Variants in CALN1 observed in about 807,000 individuals in gnomAD.
The protein encoded by CALN1 is calneuron 1.
CALN1 carries 17 observed loss-of-function variants against 30.6 expected under a neutral mutation model. That is an observed-to-expected ratio of 0.56 (90% CI 0.38 to 0.83). The LOEUF is 0.83. Ranked by LOEUF, CALN1 falls within the 40% of genes least tolerant of loss-of-function variation. The probability of loss-of-function intolerance (pLI) is 0.00; values close to 1 mark genes in which losing one functional copy is unlikely to be tolerated. For missense variants in CALN1, 291 were observed against 354.9 expected, an observed-to-expected ratio of 0.82 and a Z score of 1.45; for synonymous variants, 156 against 131.4, an observed-to-expected ratio of 1.19 and a Z score of -1.28.
At chr7:72,497,050 T>C in the CALN1 span, among the ~76,000 whole-genome samples, 8 of 152,164 alleles carry the variant, frequency 5.3e-5, no homozygotes, top group African/African-American at 1.4e-4. Flanking sequence ...CGTCTGTGCA[T>C]GGAGGAAAGA....
chr7:71,842,904 C>A (rs1454094903), intron 5 of CALN1, among the ~76,000 whole-genome samples: 1 of 152,134 alleles, frequency 6.6e-6, no homozygotes, highest in African/African-American at 2.4e-5. Flanking sequence ...TTTATCCTAA[C>A]AATACTCTAA....
At chr7:72,176,068 T>A (rs1029194398) in intron 3 of CALN1, among the ~76,000 whole-genome samples, 2 of 152,042 alleles carry the variant, frequency 1.3e-5, no homozygotes, top group African/African-American at 4.8e-5. Context: ...ACAGAAACAT[T>A]CTGAGTCTGT....
intron 5 of CALN1, among the ~76,000 whole-genome samples, chr7:71,823,458 G>A (rs1188703806): frequency 2.0e-5 from 3 of 152,234 alleles, no homozygotes; most frequent in Admixed American, 1.3e-4. Flanking sequence ...GGTGGCTCAC[G>A]CCTGTAATCC....
At chr7:71,918,324 C>A (rs1196575929) in intron 5 of CALN1, among the ~76,000 whole-genome samples, 1 of 152,194 alleles carries the variant, frequency 6.6e-6, no homozygotes, top group African/African-American at 2.4e-5. Context: ...AAATTGCTTC[C>A]TTTGAAACAA....
intron 5 of CALN1, among the ~76,000 whole-genome samples, chr7:71,949,854 C>T (rs965607132): frequency 7.9e-5 from 12 of 151,012 alleles, no homozygotes; most frequent in South Asian, 4.2e-4. Context: ...CTCCGCCTCC[C>T]GGGTTCACGC....
chr7:72,111,912 G>A, intron 3 of CALN1, among the ~76,000 whole-genome samples: 1 of 151,902 alleles, frequency 6.6e-6, no homozygotes, highest in Non-Finnish European at 1.5e-5. Flanking sequence ...CATCACGACG[G>A]CTAATTTTTT....
At chr7:72,466,536 G>A in the CALN1 span, among the ~76,000 whole-genome samples, 1 of 152,144 alleles carries the variant, frequency 6.6e-6, no homozygotes, top group South Asian at 2.1e-4. Context: ...CTATGGTCAG[G>A]AGTTTGAGAC....
chr7:71,840,284 C>T (rs1789858040), intron 5 of CALN1, among the ~76,000 whole-genome samples: 1 of 151,932 alleles, frequency 6.6e-6, no homozygotes, highest in Non-Finnish European at 1.5e-5. Context: ...GCTATGGCTG[C>T]ATCATAGCCT....
chr7:72,327,532 T>C (rs1364571408), intron 2 of CALN1, among the ~76,000 whole-genome samples: 1 of 152,212 alleles, frequency 6.6e-6, no homozygotes, highest in African/African-American at 2.4e-5. Context: ...CGTTTTTCTT[T>C]TCCTGTTTTC....
chr7:71,963,707 T>C (rs1292095427), intron 5 of CALN1, among the ~76,000 whole-genome samples: 2 of 152,074 alleles, frequency 1.3e-5, no homozygotes, highest in African/African-American at 4.8e-5. Context: ...ATGTTTTATA[T>C]GTAATACTGA....
At position 71,859,065 on chromosome 7, in the gene CALN1, T is replaced by A. The variant is rs541110486; in HGVS notation, c.502-48573A>T. ...TTGTCTTTTTTCTTTTTTTGTATGTTTGTTTGTTTGTTTTTGGAGACAGAG... is the reference window on the plus strand; with the variant it reads ...TTGTCTTTTTTCTTTTTTTGTATGTATGTTTGTTTGTTTTTGGAGACAGAG... On this transcript the variant is annotated intron_variant, in intron 5 of 6. Transcript: ENST00000395275. Among the ~76,000 whole-genome samples the A allele has an allele frequency of 7.2e-5, 11 of 152,230 alleles. No homozygotes were observed. In the South Asian group the frequency reaches 2.1e-3, roughly 29 times the overall value.
intron 2 of CALN1, among the ~76,000 whole-genome samples, chr7:72,293,397 C>T (rs978215788): frequency 3.9e-5 from 6 of 152,150 alleles, no homozygotes; most frequent in African/African-American, 1.2e-4. Context: ...GCAAGAACCA[C>T]TAAAAAGAGA....
chr7:72,393,439 G>GTTTT (rs1805709645), intron 2 of CALN1, among the ~76,000 whole-genome samples: 1 of 152,116 alleles, frequency 6.6e-6, no homozygotes, highest in Non-Finnish European at 1.5e-5. Flanking sequence ...ACTCCAGACT[G>GTTTT]GGAGAGAGAG....
At chr7:72,458,184 TTAATATATTATAATATATAATATATTTTA>T in the CALN1 span, among the ~76,000 whole-genome samples, 1 of 78,212 alleles carries the variant, frequency 1.3e-5, no homozygotes, top group Non-Finnish European at 2.8e-5. Context: ...TGTATTATAT[TTAATATATTATAATATATAATATATTTTA>T]TAATATATTA....
chr7:71,810,644 C>A, intron 5 of CALN1, 152 bp from the exon 6 acceptor site: 1 of 641,918 alleles, frequency 1.6e-6, no homozygotes, highest in Non-Finnish European at 2.6e-6. Flanking sequence ...TGTTCAGCTC[C>A]AAGTATACTC....
chr7:72,418,739 A>T (rs1335962851), intron 1 of CALN1, among the ~76,000 whole-genome samples: 6 of 152,084 alleles, frequency 3.9e-5, no homozygotes, highest in Admixed American at 6.5e-5. Flanking sequence ...TCACTGGGTG[A>T]TGTGGCTTGC....
intron 2 of CALN1, among the ~76,000 whole-genome samples, chr7:72,297,037 C>A (rs950158565): frequency 4.6e-5 from 7 of 152,070 alleles, no homozygotes; most frequent in African/African-American, 1.7e-4. Context: ...AATTTTGGAT[C>A]TTTCCTGCTT....
chr7:72,336,901 G>T, intron 2 of CALN1: 1 of 984,224 alleles, frequency 1.0e-6, no homozygotes, highest in South Asian at 4.7e-5. Context: ...CTCCCTCGGC[G>T]CCCCCGGGCC....
At chr7:72,013,201 T>C (rs1800185138) in intron 5 of CALN1, among the ~76,000 whole-genome samples, 1 of 151,858 alleles carries the variant, frequency 6.6e-6, no homozygotes, top group South Asian at 2.1e-4. Context: ...TTTTTGTTTT[T>C]GCCCCTGAAA....
Sources: gnomAD v4.1 joint callset for allele counts (sites outside exome capture counted in the v4.1 genomes callset) on GRCh38, gnomAD v4.1.1 for gene constraint, MANE v1.5 for transcripts, NCBI Gene and HGNC (gene_info 2026-07-23, HGNC 2026-07-21) for gene names.